The following SGSM2 variants were observed in gnomAD, a reference collection of about 807,000 sequenced individuals.
SGSM2 encodes the protein small G protein signaling modulator 2, also known as RUN and TBC1 domain containing 1.
SGSM2 carries 89 observed loss-of-function variants against 126.6 expected under a neutral mutation model. That is an observed-to-expected ratio of 0.70 (90% CI 0.59 to 0.84). The LOEUF (loss-of-function observed/expected upper bound fraction) is 0.84, where lower values mean the gene tolerates loss of function less well. SGSM2 is among the 40% of genes least tolerant of loss of function. The probability of loss-of-function intolerance (pLI) is 0.00; values close to 1 mark genes in which losing one functional copy is unlikely to be tolerated. For synonymous variants in SGSM2, 614 were observed against 574.3 expected (o/e 1.07, Z -0.99); for missense variants, 1,404 against 1,416.6 (o/e 0.99, Z 0.14).
chr17:2,375,371 G>C lies in SGSM2; in HGVS notation c.2101-121G>C, dbSNP rs1308917527. 3.1e-6 allele frequency: 4 copies of C among 1,270,274 alleles called. No individual in the cohort carries two copies. In the Admixed American group the frequency reaches 1.0e-4, roughly 32 times the overall value. The allele number at this position is 1,270,274 out of a possible 1,614,324, so 78.7% of individuals were successfully genotyped here. ...GTGCCCCGTGGCCACAGTGTTGGAG[G>C]CTGTGGTGGGAGAGGGGGTGTGAAG... On this transcript the variant is annotated intron_variant, in intron 17 of 23. Coordinates refer to ENST00000268989, the MANE Select transcript of SGSM2 (RefSeq NM_014853.3).
rs1012279989 is a variant in SGSM2 at position 2,363,213 on chromosome 17, A to G, written c.672+79A>G. 2.7e-6 allele frequency: 4 copies of G among 1,489,128 alleles called. No individual in the cohort carries two copies. Among genetic ancestry groups the G allele is most frequent in the East Asian group, 2.5e-5 (1 of 40,610 alleles). 92.2% of individuals were successfully genotyped at this position (1,489,128 alleles called of 1,614,324 possible). A position where few individuals can be genotyped will look rare whatever the true frequency, so the allele number is the denominator to read the frequency against. On this transcript the variant is annotated intron_variant, in intron 6 of 23. Transcript: ENST00000268989. The surrounding 1 kb of genome is among the most constrained non-coding windows in gnomAD (Gnocchi z 4.2). ...GTAGGGACGGGAAACCGGCCTCTCT[A>G]CGGGACAGGCCTTGGAGATGCCCCA...
chr17:2,339,272 C>CA (rs1233548364), intron 1 of SGSM2, among the ~76,000 whole-genome samples: 2 of 151,258 alleles, frequency 1.3e-5, no homozygotes, highest in Non-Finnish European at 2.9e-5. Context: ...CTGAAAAAAA[C>CA]AAAAAATACA....
At chr17:2,366,304 G>A (rs2151587568) in intron 11 of SGSM2, among the ~76,000 whole-genome samples, 1 of 152,276 alleles carries the variant, frequency 6.6e-6, no homozygotes, top group African/African-American at 2.4e-5. Flanking sequence ...TTCCCTTTCT[G>A]GTCAGAGTGC....
In SGSM2 at chr17:2,372,367, C is replaced by A; in HGVS notation, c.1667C>A (p.Ser556Tyr). 6.3e-7 allele frequency: 1 copy of A among 1,591,200 alleles called. No homozygotes were observed. Among genetic ancestry groups the A allele is most frequent in the South Asian group, 1.1e-5 (1 of 88,858 alleles). The change falls in exon 15 of 24, where the codon TCC becomes TAC. Residue 556 changes from serine (S) to tyrosine (Y), a missense_variant. Ser to Tyr is a moderately radical substitution (Grantham distance 144). Transcript: ENST00000268989. The surrounding 1 kb of genome is among the most constrained non-coding windows in gnomAD (Gnocchi z 6.0). ...YGWLAHCRHL[S>Y]TVRTHLSALV... ...GGGCTGGCACACTGCCGCCACCTGTCCACGGTGCGGACCCACCTGTCGGCG... is the reference window on the plus strand; with the variant it reads ...GGGCTGGCACACTGCCGCCACCTGTACACGGTGCGGACCCACCTGTCGGCG...
chr17:2,363,309 G>C lies in SGSM2; in HGVS notation c.673-156G>C, dbSNP rs1220760109. Among the ~76,000 whole-genome samples, 2 of 152,252 alleles carry C rather than the reference G, an allele frequency of 1.3e-5. No homozygotes were observed. The highest frequency in any genetic ancestry group is 3.9e-4 in the East Asian group (2 of 5,188). ...AACACAAATGCCGGGAGCCCATGCT[G>C]GTCCGTGGCTGGAGAGCAGAGGGTG... On this transcript the variant is annotated intron_variant, in intron 6 of 23. Transcript: ENST00000268989. The surrounding 1 kb of genome is among the most constrained non-coding windows in gnomAD (Gnocchi z 4.2).
At chr17:2,378,530 CAA>C (rs574024477) in intron 22 of SGSM2, among the ~76,000 whole-genome samples, 13 of 100,062 alleles carry the variant, frequency 1.3e-4, no homozygotes, top group Middle Eastern at 4.7e-3. Context: ...GACTGTGTCT[CAA>C]AAAAAAAAAA....
Position 2,337,581 on chromosome 17 carries a change from C to T in SGSM2, c.-108C>T. 1 of 680,088 alleles carries T rather than the reference C, an allele frequency of 1.5e-6. No individual in the cohort carries two copies. The highest frequency in any genetic ancestry group is 1.9e-6 in the Non-Finnish European group (1 of 528,458). 42.1% of individuals were successfully genotyped at this position (680,088 alleles called of 1,614,324 possible). A position where few individuals can be genotyped will look rare whatever the true frequency, so the allele number is the denominator to read the frequency against. Reference sequence around the variant, plus strand: ...CGGCGGCGGCGGCGGGCCGGGAGCGCGGCGGGCGGGGGCTCCGCCTTGCGC... The same window carrying T: ...CGGCGGCGGCGGCGGGCCGGGAGCGTGGCGGGCGGGGGCTCCGCCTTGCGC... On this transcript the variant is annotated 5_prime_UTR_variant, in exon 1 of 24. Transcript: ENST00000268989. This position sits in a 1 kb window ranked among gnomAD's most constrained non-coding sequence, Gnocchi z 5.1.
In SGSM2 at chr17:2,376,790, G is replaced by A. The variant is rs61733097; in HGVS notation, c.2667G>A (p.Ala889=). ...TGCAGGGCATGTGCGATCTGCTGGCGCCTCTCCTGGTCACCCTCGACAATG... is the reference window on the plus strand; with the variant it reads ...TGCAGGGCATGTGCGATCTGCTGGCACCTCTCCTGGTCACCCTCGACAATG... ...GYVQGMCDLL[A]PLLVTLDNDQ... is the part of the protein sequence containing the mutation. Residue 889 remains alanine (A), a synonymous_variant, in exon 20 of 24, where the codon GCG becomes GCA. Coordinates refer to ENST00000268989, the MANE Select transcript of SGSM2 (RefSeq NM_014853.3). 3,578 of 1,614,064 alleles carry A rather than the reference G, an allele frequency of 2.2e-3. 55 individuals are homozygous for A. The African/African-American group carries it at 0.037, about 17-fold the overall frequency.
rs753625073 is a variant in SGSM2 at position 2,375,540 on chromosome 17, G to C, written c.2149G>C (p.Glu717Gln). ...DLEPPEPQDPEDSRPKPEQEA... is the reference protein window; with the variant it reads ...DLEPPEPQDPQDSRPKPEQEA... ...GGAACCCCCGGAGCCCCAGGACCCT[G>C]AAGATTCCAGACCAAAACCTGAGCA... is the stretch of plus-strand genomic sequence containing the variant. Residue 717 changes from glutamate (E) to glutamine (Q), a missense_variant, in exon 18 of 24, where the codon GAA becomes CAA. By Grantham distance (29) the Glu-to-Gln change is conservative (BLOSUM62 2). Coordinates refer to ENST00000268989, the MANE Select transcript of SGSM2 (RefSeq NM_014853.3). 1 of 1,613,610 alleles carries C rather than the reference G, an allele frequency of 6.2e-7. No homozygotes were observed. Among genetic ancestry groups the C allele is most frequent in the Non-Finnish European group, 8.5e-7 (1 of 1,179,954 alleles).
At chr17:2,347,520 T>C (rs948261219) in intron 2 of SGSM2, among the ~76,000 whole-genome samples, 4 of 152,020 alleles carry the variant, frequency 2.6e-5, no homozygotes, top group Non-Finnish European at 5.9e-5. Flanking sequence ...AGTTTACATT[T>C]TTCTCTATCA....
At chr17:2,353,236 G>C (rs2064948397) in intron 2 of SGSM2, among the ~76,000 whole-genome samples, 1 of 152,002 alleles carries the variant, frequency 6.6e-6, no homozygotes, top group Admixed American at 6.6e-5. Flanking sequence ...CCTAGTGGTG[G>C]GAAACCAAAC....
At chr17:2,370,483 TTGGATAG>T (rs1363182043) in intron 12 of SGSM2, among the ~76,000 whole-genome samples, 1 of 131,858 alleles carries the variant, frequency 7.6e-6, no homozygotes, top group African/African-American at 3.2e-5. Flanking sequence ...CTCTGTCACA[TTGGATAG>T]TGGGCCTCTG....
intron 2 of SGSM2, among the ~76,000 whole-genome samples, chr17:2,351,576 C>CT (rs2064855054): frequency 6.6e-6 from 1 of 152,174 alleles, no homozygotes; most frequent in Admixed American, 6.5e-5. Context: ...CGGACCCTGT[C>CT]TTGCATCTCC....
Position 2,363,813 on chromosome 17 carries a change from G to A in SGSM2, c.807+214G>A, listed in dbSNP as rs2065433459. 2.4e-6 allele frequency: 2 copies of A among 823,834 alleles called. No individual in the cohort carries two copies. The highest frequency in any genetic ancestry group is 3.6e-5 in the South Asian group (2 of 55,970). 51.0% of individuals were successfully genotyped at this position (823,834 alleles called of 1,614,324 possible). Reference sequence around the variant, plus strand: ...AGCCAGCAGGCGAGGGGAGTCCGCAGTGTGGGTATGGCTGGCCTGGAATGG... The same window carrying A: ...AGCCAGCAGGCGAGGGGAGTCCGCAATGTGGGTATGGCTGGCCTGGAATGG... On this transcript the variant is annotated intron_variant, in intron 7 of 23. Transcript: ENST00000268989. This position sits in a 1 kb window ranked among gnomAD's most constrained non-coding sequence, Gnocchi z 4.2.
Position 2,372,013 on chromosome 17 carries a change from T to C in SGSM2, c.1578-177T>C, listed in dbSNP as rs949614025. 19 of 706,208 alleles carry C rather than the reference T, an allele frequency of 2.7e-5. No individual in the cohort carries two copies. The highest frequency in any genetic ancestry group is 1.8e-4 in the African/African-American group (10 of 55,758). The allele number at this position is 706,208 out of a possible 1,614,324, so 43.7% of individuals were successfully genotyped here. ...GCCAGGCGGGGGCCCCACAGCACTCTGTCCAGGTGGCAGGCAGGGACAGGG... is the reference window on the plus strand; with the variant it reads ...GCCAGGCGGGGGCCCCACAGCACTCCGTCCAGGTGGCAGGCAGGGACAGGG... On this transcript the variant is annotated intron_variant, in intron 13 of 23. Coordinates refer to ENST00000268989, the MANE Select transcript of SGSM2 (RefSeq NM_014853.3). This position sits in a 1 kb window ranked among gnomAD's most constrained non-coding sequence, Gnocchi z 6.0.
At position 2,364,983 on chromosome 17, in the gene SGSM2, T is replaced by C; in HGVS notation, c.1087T>C (p.Phe363Leu). 6.2e-7 allele frequency: 1 copy of C among 1,613,724 alleles called. No homozygotes were observed. The highest frequency in any genetic ancestry group is 8.5e-7 in the Non-Finnish European group (1 of 1,179,974). ...HFPQGGHLLS[F>L]LSCLENGLLP... ...CCCACAGGGAGGACACCTGCTGTCC[T>C]TTCTGTCCTGTCTGGAGAATGGGCT... The change falls in exon 10 of 24, where the codon TTT becomes CTT. Residue 363 changes from phenylalanine to leucine, a missense_variant. Transcript: ENST00000268989.
intron 17 of SGSM2, chr17:2,374,294 T>C (rs529929885): frequency 2.6e-5 from 4 of 152,374 alleles, no homozygotes; most frequent in Non-Finnish European, 5.9e-5. Flanking sequence ...TAAATATAAC[T>C]GGCTGGGTGT....
Position 2,339,153 on chromosome 17 carries a change from C to T in SGSM2, c.57+1408C>T, listed in dbSNP as rs115661666. On this transcript the variant is annotated intron_variant, in intron 1 of 23. Transcript: ENST00000268989. ...CATAACATCCTGGAAAGTGGACAGG[C>T]GCGGTGGCTTACGCCTGTAATCCCA... is the stretch of plus-strand genomic sequence containing the variant. 2.1e-3 allele frequency among the ~76,000 whole-genome samples: 323 copies of T among 150,878 alleles called. 1 individual carries two copies. Among genetic ancestry groups the T allele is most frequent in the African/African-American group, 7.5e-3 (308 of 41,086 alleles).
Position 2,367,338 on chromosome 17 carries a change from G to A in SGSM2, c.1356G>A (p.Glu452=). 4 of 1,614,180 alleles carry A rather than the reference G, an allele frequency of 2.5e-6. No homozygotes were observed. The highest frequency in any genetic ancestry group is 3.4e-6 in the Non-Finnish European group (4 of 1,180,018). Residue 452 remains glutamate (E), a synonymous_variant, in exon 12 of 24, where the codon GAG becomes GAA. Coordinates refer to ENST00000268989, the MANE Select transcript of SGSM2 (RefSeq NM_014853.3). This position sits in a 1 kb window ranked among gnomAD's most constrained non-coding sequence, Gnocchi z 4.0. ...AASVDDDEEE[E]DKLHAMLSMI... ...CGGTGGACGATGATGAGGAAGAGGA[G>A]GATAAACTGCACGCGATGCTCTCAA...
Sources: gnomAD v4.1 joint callset for allele counts (sites outside exome capture counted in the v4.1 genomes callset) on GRCh38, gnomAD v4.1.1 for gene constraint, Gnocchi (gnomAD v3.1) non-coding constraint, MANE v1.5 for transcripts, NCBI Gene and HGNC (gene_info 2026-07-23, HGNC 2026-07-21) for gene names.